FCRLA: variants seen among roughly 807,000 people sequenced by gnomAD.
FCRLA encodes Fc receptor-like A.
In FCRLA, 26 loss-of-function variants were observed where a neutral mutation model predicts 28.4. That is an observed-to-expected ratio of 0.91 (90% CI 0.67 to 1.27). FCRLA has a LOEUF of 1.27. FCRLA is among the 50% of genes most tolerant of loss of function. FCRLA has a pLI of 0.00. For synonymous variants in FCRLA, 174 were observed against 168.5 expected (o/e 1.03, Z -0.25); for missense variants, 422 against 433.1 (o/e 0.97, Z 0.23).
intron 1 of FCRLA, among the ~76,000 whole-genome samples, chr1:161,708,421 T>C (rs539058692): frequency 6.6e-6 from 1 of 152,328 alleles, no homozygotes; most frequent in East Asian, 1.9e-4. Context: ...TTCCAGTAAA[T>C]TCCTAACTAA....
At position 161,711,221 on chromosome 1, in the gene FCRLA, C is replaced by T. The variant is rs1190249930; in HGVS notation, c.246C>T (p.Leu82=). Residue 82 remains leucine (L), a synonymous_variant, in exon 3 of 5, where the codon CTC becomes CTT. Coordinates refer to ENST00000236938, the MANE Select transcript of FCRLA (RefSeq NM_032738.4). The part of the protein sequence containing the change: ...HLIVSYDWLI[L]QGPAKPVFEG... ...TCTGGACCATAGACTGGCTGATCCT[C>T]CAAGGTCCAGCCAAGCCAGTTTTTG... 29 of 1,613,408 alleles carry T rather than the reference C, an allele frequency of 1.8e-5. No individual in the cohort carries two copies. The highest frequency in any genetic ancestry group is 2.5e-5 in the Non-Finnish European group (29 of 1,179,586).
chr1:161,710,986 C>T, intron 2 of FCRLA, 74 bp downstream of exon 2: 2 of 1,584,426 alleles, frequency 1.3e-6, no homozygotes, highest in Non-Finnish European at 1.7e-6. Flanking sequence ...AGGAAAGTGT[C>T]CCTAGGAAAT....
chr1:161,710,877 C>A lies in FCRLA; in HGVS notation c.197C>A (p.Thr66Asn). 1 of 1,613,602 alleles carries A rather than the reference C, an allele frequency of 6.2e-7. No homozygotes were observed. The highest frequency in any genetic ancestry group is 8.5e-7 in the Non-Finnish European group (1 of 1,180,024). Residue 66 changes from threonine to asparagine, a missense_variant, in exon 2 of 5, where the codon ACT becomes AAT. Transcript: ENST00000236938. ...GCTGGCTTCCAGGTCAAGGCCTACA[C>A]TTTCAGTGAACCCTTCCACCTGATT... ...REAGFQVKAY[T>N]FSEPFHLIVS...
chr1:161,711,751 T>C, intron 3 of FCRLA, 183 bp from the exon 4 acceptor site: 1 of 838,780 alleles, frequency 1.2e-6, no homozygotes. Context: ...TGCCCATCTG[T>C]GGATCTTTCC....
Position 161,712,088 on chromosome 1 carries a change from C to A in FCRLA, c.654C>A (p.Ser218Arg). The stretch of plus-strand genomic sequence containing the variant: ...ACAAGGATGGAAGGATAGTGCAAAG[C>A]AGGGGGCTCTCCTCAGAATTCCAGA... The part of the protein sequence containing the change: ...SFYKDGRIVQ[S>R]RGLSSEFQIP... The change falls in exon 4 of 5, where the codon AGC becomes AGA. Residue 218 changes from serine (S) to arginine (R), a missense_variant. Ser to Arg is a moderately radical substitution (Grantham distance 110, BLOSUM62 -1). Coordinates refer to ENST00000236938, the MANE Select transcript of FCRLA (RefSeq NM_032738.4). 6.2e-7 allele frequency: 1 copy of A among 1,614,204 alleles called. No individual in the cohort carries two copies. The highest frequency in any genetic ancestry group is 8.5e-7 in the Non-Finnish European group (1 of 1,180,036).
chr1:161,712,312 G>A (rs1683143757), intron 4 of FCRLA, 94 bp downstream of exon 4: 4 of 1,459,946 alleles, frequency 2.7e-6, no homozygotes, highest in African/African-American at 2.8e-5. Context: ...GGGGTTCAGT[G>A]TGAGCAGGTT....
intron 4 of FCRLA, among the ~76,000 whole-genome samples, chr1:161,712,481 C>T (rs1557923748): frequency 6.6e-6 from 1 of 152,162 alleles, no homozygotes. Context: ...TTAGCATCCC[C>T]CCCAACATGC....
chr1:161,711,105 A>AGTTT, intron 2 of FCRLA, 103 bp from the exon 3 acceptor site: 1 of 1,495,574 alleles, frequency 6.7e-7, no homozygotes, highest in Non-Finnish European at 9.0e-7. Flanking sequence ...CAGGGGTGAG[A>AGTTT]GTTTACCTGG....
intron 3 of FCRLA, 174 bp from the exon 4 acceptor site, chr1:161,711,760 C>T: frequency 1.1e-6 from 1 of 876,118 alleles, no homozygotes; most frequent in East Asian, 2.4e-5. Context: ...GTGGATCTTT[C>T]CTAGTCCTGT....
At position 161,714,339 on chromosome 1, in the gene FCRLA, T is replaced by C. The variant is rs1272579622; in HGVS notation, c.*959T>C. 3.3e-5 allele frequency: 5 copies of C among 152,324 alleles called. No individual in the cohort carries two copies. The highest frequency in any genetic ancestry group is 3.3e-4 in the Admixed American group (5 of 15,280). 9.4% of individuals were successfully genotyped at this position (152,324 alleles called of 1,614,324 possible). On this transcript the variant is annotated 3_prime_UTR_variant, in exon 5 of 5. Transcript: ENST00000236938. ...CAGAACTATGAGAAATAAAATTCTG[T>C]TGTTTGTAAGCTATTCAGTTTGTGT...
chr1:161,710,613 G>A, intron 1 of FCRLA, 147 bp from the exon 2 acceptor site: 1 of 1,400,096 alleles, frequency 7.1e-7, no homozygotes, highest in African/African-American at 1.4e-5. Flanking sequence ...ACACTCTCAG[G>A]GGTCTTTCCG....
At chr1:161,710,436 C>T (rs1024024170) in intron 1 of FCRLA, 14 of 1,546,470 alleles carry the variant, frequency 9.1e-6, no homozygotes, top group Non-Finnish European at 1.2e-5. Flanking sequence ...CTCCCTGCTT[C>T]GAGTTACCAT....
Position 161,710,768 on chromosome 1 carries a change from T to G in FCRLA, c.88T>G (p.Phe30Val). 1 of 1,614,148 alleles carries G rather than the reference T, an allele frequency of 6.2e-7. No individual in the cohort carries two copies. Among genetic ancestry groups the G allele is most frequent in the Middle Eastern group, 1.7e-4 (1 of 6,046 alleles). ...GGCCATGCCCTCTTCAGCTGCCAGT[T>G]TTGAGACGCTGCAGTGTGAGGGACC... ...WVAQMLLAAS[F>V]ETLQCEGPVC... The change falls in exon 2 of 5, where the codon TTT (phenylalanine) becomes GTT (valine). Residue 30 changes from phenylalanine (F) to valine (V), a missense_variant. This residue lies in a region of FCRLA where 231 missense variants were observed against 214.6 expected (regional missense o/e 1.08). Coordinates refer to ENST00000236938, the MANE Select transcript of FCRLA (RefSeq NM_032738.4).
In FCRLA at chr1:161,713,471, C is replaced by A. The variant is rs983149301; in HGVS notation, c.*91C>A. The A allele has an allele frequency of 9.4e-7, 1 of 1,066,154 alleles. No homozygotes were observed. Among genetic ancestry groups the A allele is most frequent in the Non-Finnish European group, 1.4e-6 (1 of 732,762 alleles). The allele number at this position is 1,066,154 out of a possible 1,614,324, so 66.0% of individuals were successfully genotyped here. On this transcript the variant is annotated 3_prime_UTR_variant, in exon 5 of 5. Coordinates refer to ENST00000236938, the MANE Select transcript of FCRLA (RefSeq NM_032738.4). ...CCTGTCCTGCACATATGCATAAGTA[C>A]TTTTACAAGTTGTCCCAGTGTTTTG...
Position 161,713,229 on chromosome 1 carries a change from T to TG in FCRLA, c.933dup (p.Met312AspfsTer48), listed in dbSNP as rs748772079. On this transcript the variant is annotated frameshift_variant, in exon 5 of 5. Coordinates refer to ENST00000236938, the MANE Select transcript of FCRLA (RefSeq NM_032738.4). LOFTEE classifies it low-confidence loss of function (END_TRUNC). ...GAGGATCCAGGCTTTTCTTCTCCTC[T>TG]GGGGATGCCAGATCCTCATCTGTAT... The TG allele has an allele frequency of 6.2e-7, 1 of 1,614,252 alleles. No homozygotes were observed. The highest frequency in any genetic ancestry group is 1.7e-5 in the Admixed American group (1 of 60,036).
At chr1:161,710,413 TCCTGTCCTATGCCTC>T in intron 1 of FCRLA, 1 of 1,482,170 alleles carries the variant, frequency 6.7e-7, no homozygotes, top group Admixed American at 2.0e-5. Context: ...TCCCTTTCAT[TCCTGTCCTATGCCTC>T]CCTGCTTCGA....
chr1:161,712,205 G>A lies in FCRLA; in HGVS notation c.771G>A (p.Glu257=). The A allele has an allele frequency of 6.2e-7, 1 of 1,613,332 alleles. No homozygotes were observed. The highest frequency in any genetic ancestry group is 8.5e-7 in the Non-Finnish European group (1 of 1,179,614). The change falls in exon 4 of 5, where the codon GAG becomes GAA. Residue 257 remains glutamate, a synonymous_variant. Coordinates refer to ENST00000236938, the MANE Select transcript of FCRLA (RefSeq NM_032738.4). ...NQVWKQSPQL[E]IRVQGASSSA... is the part of the protein sequence containing the mutation. ...TTTGGAAACAGAGCCCCCAGCTAGA[G>A]ATCAGAGTGCAGGGTGAGTTCGCAT...
rs761523641 is a variant in FCRLA at position 161,713,051 on chromosome 1, C to T, written c.785-34C>T. 6 of 1,583,000 alleles carry T rather than the reference C, an allele frequency of 3.8e-6. No homozygotes were observed. In the South Asian group the frequency reaches 6.9e-5, roughly 18 times the overall value. On this transcript the variant is annotated intron_variant, in intron 4 of 4. Coordinates refer to ENST00000236938, the MANE Select transcript of FCRLA (RefSeq NM_032738.4). ...GGAGGGAAGGGCCAGAGTCAGACTT[C>T]ACTCTTGTATGTGCCTCCTGCCCCA... is the stretch of plus-strand genomic sequence containing the variant.
chr1:161,711,031 C>T (rs536377617), intron 2 of FCRLA, 119 bp downstream of exon 2: 12 of 1,462,904 alleles, frequency 8.2e-6, no homozygotes, highest in Non-Finnish European at 1.1e-5. Flanking sequence ...TCCCAGTCTT[C>T]AGCCCACAGC....
Sources: allele counts gnomAD v4.1 joint callset (sites outside exome capture counted in the v4.1 genomes callset), GRCh38; gene constraint gnomAD v4.1.1; regional missense constraint gnomAD v4.1.1; transcripts MANE v1.5; gene names NCBI Gene and HGNC (gene_info 2026-07-23, HGNC 2026-07-21).